The following PCDHGA7 variants were observed in gnomAD, a reference collection of about 807,000 sequenced individuals.
The protein encoded by PCDHGA7 is protocadherin gamma subfamily A, 7.
A neutral mutation model predicts 58.3 loss-of-function variants in PCDHGA7; 44 were observed. The ratio of observed to expected loss-of-function variants is 0.75; its 90% confidence interval spans 0.59 to 0.97. The LOEUF (loss-of-function observed/expected upper bound fraction) is 0.97. PCDHGA7 is among the 50% of genes least tolerant of loss of function. The probability of loss-of-function intolerance (pLI) is 0.00; values close to 1 mark genes in which losing one functional copy is unlikely to be tolerated. For missense variants in PCDHGA7, 1,266 were observed against 1,188.7 expected (o/e 1.06, Z -0.96); for synonymous variants, 516 against 504.2 (o/e 1.02, Z -0.31).
At position 141,410,204 on chromosome 5, in the gene PCDHGA7, T is replaced by C. The variant is rs1212919717; in HGVS notation, c.2424+24881T>C. 11 of 1,613,954 alleles carry C rather than the reference T, an allele frequency of 6.8e-6. No homozygotes were observed. In the South Asian group the frequency reaches 9.9e-5, roughly 14 times the overall value. Reference sequence around the variant, plus strand: ...GCTTCATCTGGTCTTCGCAGACAACTTGCAAGAGATACTGCCAGACCTCAG... The same window carrying C: ...GCTTCATCTGGTCTTCGCAGACAACCTGCAAGAGATACTGCCAGACCTCAG... On this transcript the variant is annotated intron_variant, in intron 1 of 3. Transcript: ENST00000518325.
chr5:141,389,770 C>A, intron 1 of PCDHGA7: 4 of 1,613,166 alleles, frequency 2.5e-6, no homozygotes, highest in Non-Finnish European at 3.4e-6. Context: ...ACAGCGCGTG[C>A]CTTAGGCGAC....
chr5:141,425,812 G>GA (rs574320012), intron 1 of PCDHGA7, among the ~76,000 whole-genome samples: 9 of 152,054 alleles, frequency 5.9e-5, no homozygotes, highest in South Asian at 4.1e-4. Flanking sequence ...CTTCTGCTTA[G>GA]AAAAAAACAA....
chr5:141,416,585 A>T (rs2096043494), intron 1 of PCDHGA7: 2 of 152,244 alleles, frequency 1.3e-5, no homozygotes, highest in Non-Finnish European at 2.9e-5. Context: ...GAGGCAAAAT[A>T]AACTTAGAGT....
chr5:141,451,914 A>G (rs1387569597), intron 1 of PCDHGA7, among the ~76,000 whole-genome samples: 3 of 152,022 alleles, frequency 2.0e-5, no homozygotes, highest in East Asian at 1.9e-4. Context: ...GGGAGGGAGG[A>G]AGGAAGGGAG....
In PCDHGA7 at chr5:141,384,799, G is replaced by T. The variant is rs1342288929; in HGVS notation, c.1900G>T (p.Asp634Tyr). The change falls in exon 1 of 4, where the codon GAC (aspartate) becomes TAC (tyrosine). Residue 634 changes from aspartate (D) to tyrosine (Y), a missense_variant. Transcript: ENST00000518325. ...GEVRTARALLDRDALKQSLVV... is the reference protein window; with the variant it reads ...GEVRTARALLYRDALKQSLVV... Reference sequence around the variant, plus strand: ...GGTGCGCACGGCTCGGGCCCTGCTGGACAGAGATGCCCTCAAGCAGAGCCT... The same window carrying T: ...GGTGCGCACGGCTCGGGCCCTGCTGTACAGAGATGCCCTCAAGCAGAGCCT... The T allele has an allele frequency of 6.2e-7, 1 of 1,613,476 alleles. No individual in the cohort carries two copies. Among genetic ancestry groups the T allele is most frequent in the South Asian group, 1.1e-5 (1 of 91,074 alleles).
chr5:141,410,068 C>A, intron 1 of PCDHGA7: 1 of 1,612,950 alleles, frequency 6.2e-7, no homozygotes. Context: ...TGGGGCTGCG[C>A]ACTGGGGAGG....
intron 1 of PCDHGA7, among the ~76,000 whole-genome samples, chr5:141,452,068 A>G (rs554365813): frequency 1.1e-3 from 160 of 152,308 alleles, no homozygotes; most frequent in Middle Eastern, 6.8e-3. Flanking sequence ...TTCTACTTTT[A>G]TTAGTTGGCA....
intron 3 of PCDHGA7, among the ~76,000 whole-genome samples, chr5:141,507,673 G>A (rs184362608): frequency 6.6e-5 from 10 of 152,368 alleles, no homozygotes; most frequent in Admixed American, 2.6e-4. Context: ...AAATCCAGAT[G>A]TTAAAAACAG....
chr5:141,450,278 G>C (rs977381598), intron 1 of PCDHGA7, among the ~76,000 whole-genome samples: 1 of 152,026 alleles, frequency 6.6e-6, no homozygotes, highest in African/African-American at 2.4e-5. Flanking sequence ...TCAGCTAAGT[G>C]CTGGGATTAC....
chr5:141,431,973 TC>T lies in PCDHGA7; in HGVS notation c.2424+46651del, dbSNP rs770294598. 13 of 1,614,100 alleles carry T rather than the reference TC, an allele frequency of 8.1e-6. No individual in the cohort carries two copies. The highest frequency in any genetic ancestry group is 1.0e-5 in the Non-Finnish European group (12 of 1,180,038). On this transcript the variant is annotated intron_variant, in intron 1 of 3. Transcript: ENST00000518325. This position sits in a 1 kb window ranked among gnomAD's most constrained non-coding sequence, Gnocchi z 4.8. ...TCTTACGGAAATTACTATAGTTTAG[TC>T]ACAGACATAGTCTTGGATAGGGAAC...
At chr5:141,488,273 C>A (rs1411817846) in intron 1 of PCDHGA7, among the ~76,000 whole-genome samples, 6 of 152,256 alleles carry the variant, frequency 3.9e-5, no homozygotes, top group East Asian at 1.9e-4. Flanking sequence ...TTGGTCATCA[C>A]CTTTGGAAAA....
intron 1 of PCDHGA7, among the ~76,000 whole-genome samples, chr5:141,458,445 T>G (rs180720013): frequency 6.6e-6 from 1 of 151,738 alleles, no homozygotes; most frequent in East Asian, 1.9e-4. Flanking sequence ...TCCCCCACAT[T>G]AACAATTTTT....
intron 1 of PCDHGA7, chr5:141,478,272 A>G: frequency 6.2e-7 from 1 of 1,614,160 alleles, no homozygotes; most frequent in Non-Finnish European, 8.5e-7. Context: ...AAAGTTTACA[A>G]GTGGAAGCAG....
intron 1 of PCDHGA7, chr5:141,421,202 C>A: frequency 1.3e-6 from 2 of 1,519,344 alleles, no homozygotes; most frequent in Non-Finnish European, 1.8e-6. Flanking sequence ...CTCGAGAAAC[C>A]GCGGAATATC....
At chr5:141,398,006 A>G in intron 1 of PCDHGA7, 1 of 1,396,152 alleles carries the variant, frequency 7.2e-7, no homozygotes. Context: ...TCGGAAAAAG[A>G]ATCGTTTCCT....
At chr5:141,419,753 T>C (rs764151937) in intron 1 of PCDHGA7, 10 of 1,613,856 alleles carry the variant, frequency 6.2e-6, no homozygotes, top group South Asian at 2.2e-5. Context: ...GGTGCGTGCT[T>C]TGGGTGACAA....
At chr5:141,479,084 G>A (rs749298402) in intron 1 of PCDHGA7, among the ~76,000 whole-genome samples, 19 of 152,016 alleles carry the variant, frequency 1.2e-4, no homozygotes, top group Non-Finnish European at 1.9e-4. Flanking sequence ...GAAATTCCAG[G>A]CATCCTTTAA....
Position 141,491,706 on chromosome 5 carries a change from G to T in PCDHGA7, c.2425-3101G>T. 6.2e-7 allele frequency: 1 copy of T among 1,611,088 alleles called. No individual in the cohort carries two copies. Among genetic ancestry groups the T allele is most frequent in the Non-Finnish European group, 8.5e-7 (1 of 1,178,772 alleles). On this transcript the variant is annotated intron_variant, in intron 1 of 3. Coordinates refer to ENST00000518325, the MANE Select transcript of PCDHGA7 (RefSeq NM_018920.4). The surrounding 1 kb of genome is among the most constrained non-coding windows in gnomAD (Gnocchi z 6.9). Reference sequence around the variant, plus strand: ...CGCTGCGGGAGCGGAGCCAGGTGAGGGGCTCGGCGCCGCCCCGGGCGACCC... The same window carrying T: ...CGCTGCGGGAGCGGAGCCAGGTGAGTGGCTCGGCGCCGCCCCGGGCGACCC...
At position 141,511,349 on chromosome 5, in the gene PCDHGA7, C is replaced by CG; in HGVS notation, c.*176_*177insG. On this transcript the variant is annotated 3_prime_UTR_variant, in exon 4 of 4. Coordinates refer to ENST00000518325, the MANE Select transcript of PCDHGA7 (RefSeq NM_018920.4). The stretch of plus-strand genomic sequence containing the variant: ...GCCCAGTCAGCACCTACCCCTTCCC[C>CG]CCCAGGGGGTTGAATATGCAAAAGC... 7.1e-7 allele frequency: 1 copy of CG among 1,401,498 alleles called. No homozygotes were observed. Among genetic ancestry groups the CG allele is most frequent in the African/African-American group, 1.5e-5 (1 of 68,948 alleles). 86.8% of individuals were successfully genotyped at this position (1,401,498 alleles called of 1,614,324 possible).
Sources: allele counts gnomAD v4.1 joint callset (sites outside exome capture counted in the v4.1 genomes callset), GRCh38; gene constraint gnomAD v4.1.1; non-coding constraint Gnocchi (gnomAD v3.1); transcripts MANE v1.5; gene names NCBI Gene and HGNC (gene_info 2026-07-23, HGNC 2026-07-21).